The following CIMAP2 variants were observed in gnomAD, a reference collection of about 807,000 sequenced individuals.
CIMAP2 encodes the protein ciliary microtubule-associated protein 2.
the CIMAP2 span, among the ~76,000 whole-genome samples, chr1:54,821,466 A>G: frequency 1.5e-4 from 23 of 152,114 alleles, no homozygotes; most frequent in African/African-American, 5.3e-4. Context: ...CATTTATTGC[A>G]TGGTGTTAGA....
chr1:54,811,764 A>AGCGGGGGGGGGGGCG, the CIMAP2 span: 2 of 1,097,916 alleles, frequency 1.8e-6, no homozygotes, highest in Non-Finnish European at 2.7e-6. Flanking sequence ...TGGTTCTGAC[A>AGCGGGGGGGGGGGCG]GCCTCCATGC....
At chr1:54,837,904 T>C in the CIMAP2 span, among the ~76,000 whole-genome samples, 1 of 63,732 alleles carries the variant, frequency 1.6e-5, no homozygotes, top group Non-Finnish European at 4.6e-5. Context: ...TTTCTGGCAT[T>C]GAGTTATATC....
chr1:54,841,754 C>T, the CIMAP2 span: 1 of 1,601,410 alleles, frequency 6.2e-7, no homozygotes, highest in Non-Finnish European at 8.6e-7. Flanking sequence ...AGCTCACTCC[C>T]TTCCAAGGGA....
chr1:54,812,858 C>T, the CIMAP2 span, among the ~76,000 whole-genome samples: 2 of 152,160 alleles, frequency 1.3e-5, no homozygotes, highest in Non-Finnish European at 2.9e-5. Flanking sequence ...GAAACTCAGT[C>T]ATCAATGAAT....
chr1:54,815,322 G>C, the CIMAP2 span, among the ~76,000 whole-genome samples: 1 of 152,228 alleles, frequency 6.6e-6, no homozygotes, highest in Admixed American at 6.5e-5. Context: ...TGGGACATGG[G>C]AATTTGCATT....
the CIMAP2 span, among the ~76,000 whole-genome samples, chr1:54,836,688 G>T: frequency 6.6e-6 from 1 of 152,176 alleles, no homozygotes; most frequent in East Asian, 1.9e-4. Context: ...AAGCGTGTGG[G>T]GCAGAAATGC....
At chr1:54,812,909 C>T in the CIMAP2 span, among the ~76,000 whole-genome samples, 3 of 152,164 alleles carry the variant, frequency 2.0e-5, no homozygotes, top group African/African-American at 4.8e-5. Context: ...ATGAGTGCTA[C>T]GGCAGAGCTC....
At chr1:54,816,615 G>T in the CIMAP2 span, among the ~76,000 whole-genome samples, 11 of 152,242 alleles carry the variant, frequency 7.2e-5, no homozygotes, top group African/African-American at 2.6e-4. Context: ...TTGCCTCTTT[G>T]TAGCTTCTGG....
the CIMAP2 span, among the ~76,000 whole-genome samples, chr1:54,815,257 T>C: frequency 5.3e-3 from 812 of 152,340 alleles, 5 homozygotes; most frequent in African/African-American, 0.017. Flanking sequence ...TAGGACTTGT[T>C]AAAACACAGA....
chr1:54,840,525 G>C, the CIMAP2 span, among the ~76,000 whole-genome samples: 1 of 152,254 alleles, frequency 6.6e-6, no homozygotes, highest in South Asian at 2.1e-4. Context: ...TAGGTCATTT[G>C]GTGGGTGTGT....
the CIMAP2 span, chr1:54,811,765 G>GCCGGGGGGGGGCGCCCCCCCCCCCCC: frequency 7.7e-7 from 1 of 1,301,326 alleles, no homozygotes; most frequent in African/African-American, 1.5e-5. Context: ...GGTTCTGACA[G>GCCGGGGGGGGGCGCCCCCCCCCCCCC]CCTCCATGCC....
chr1:54,812,422 G>A, the CIMAP2 span, among the ~76,000 whole-genome samples: 7 of 152,224 alleles, frequency 4.6e-5, no homozygotes, highest in South Asian at 2.1e-4. Flanking sequence ...ACCCAAGGAC[G>A]TCTGTCTGAC....
the CIMAP2 span, among the ~76,000 whole-genome samples, chr1:54,820,580 C>T: frequency 2.6e-5 from 4 of 152,176 alleles, no homozygotes; most frequent in Admixed American, 6.5e-5. Context: ...TCTCCACATC[C>T]TTGCCAGCAT....
chr1:54,833,660 A>T, the CIMAP2 span, among the ~76,000 whole-genome samples: 1 of 152,034 alleles, frequency 6.6e-6, no homozygotes, highest in Non-Finnish European at 1.5e-5. Context: ...TTGACTGATG[A>T]GTGGGCCAGG....
the CIMAP2 span, among the ~76,000 whole-genome samples, chr1:54,839,849 C>T: frequency 6.6e-5 from 10 of 152,124 alleles, no homozygotes; most frequent in East Asian, 5.8e-4. Context: ...CTTCTGGGCT[C>T]GAGCAATCCT....
chr1:54,832,413 A>G, the CIMAP2 span, among the ~76,000 whole-genome samples: 1 of 152,242 alleles, frequency 6.6e-6, no homozygotes, highest in Non-Finnish European at 1.5e-5. Context: ...TTGTAAACAT[A>G]ATACAACAAA....
chr1:54,833,396 C>T, the CIMAP2 span, among the ~76,000 whole-genome samples: 1 of 152,186 alleles, frequency 6.6e-6, no homozygotes, highest in African/African-American at 2.4e-5. Flanking sequence ...CGTTCTCAAC[C>T]AGTGCGCTGC....
At chr1:54,808,100 C>A in the CIMAP2 span, 1 of 1,380,672 alleles carries the variant, frequency 7.2e-7, no homozygotes, top group Non-Finnish European at 9.6e-7. Context: ...ATCCATCCAG[C>A]CAGCCAGCCA....
the CIMAP2 span, among the ~76,000 whole-genome samples, chr1:54,810,196 C>T: frequency 6.6e-6 from 1 of 152,322 alleles, no homozygotes; most frequent in South Asian, 2.1e-4. Context: ...ACTGCCAACC[C>T]ACCCCGGTGC....
Sources: allele counts gnomAD v4.1 joint callset (sites outside exome capture counted in the v4.1 genomes callset), GRCh38; gene constraint gnomAD v4.1.1; transcripts MANE v1.5; gene names NCBI Gene and HGNC (gene_info 2026-07-23, HGNC 2026-07-21).